The following TENM4 variants were observed in gnomAD, a reference collection of about 807,000 sequenced individuals.
TENM4 encodes teneurin-4.
Under a neutral mutation model 243.3 loss-of-function variants are expected in TENM4, and 82 were observed. That is an observed-to-expected ratio of 0.34 (90% CI 0.28 to 0.40). The LOEUF is 0.40. TENM4 is among the 10% of genes least tolerant of loss of function. TENM4 has a pLI of 1.00. For missense variants in TENM4, 3,138 were observed against 3,673.3 expected (o/e 0.85, Z 3.77); for synonymous variants, 1,412 against 1,456.3 (o/e 0.97, Z 0.69).
At chr11:79,426,007 A>G (rs145594112) in intron 1 of TENM4, among the ~76,000 whole-genome samples, 10 of 152,286 alleles carry the variant, frequency 6.6e-5, no homozygotes, top group African/African-American at 1.2e-4. Flanking sequence ...TCAGAAACCT[A>G]CTTTGAGGCC....
At chr11:78,853,373 G>A (rs2136201598) in intron 12 of TENM4, among the ~76,000 whole-genome samples, 2 of 152,330 alleles carry the variant, frequency 1.3e-5, no homozygotes, top group Middle Eastern at 3.4e-3. Context: ...TCTGTGCAAT[G>A]TATTGGTAAA....
chr11:79,378,396 T>C (rs1018927153), intron 1 of TENM4, among the ~76,000 whole-genome samples: 4 of 152,200 alleles, frequency 2.6e-5, no homozygotes, highest in African/African-American at 9.6e-5. Flanking sequence ...GGAAAGAAGA[T>C]GATGAAAACG....
At chr11:78,759,525 G>A (rs1321514165) in intron 18 of TENM4, among the ~76,000 whole-genome samples, 2 of 152,194 alleles carry the variant, frequency 1.3e-5, no homozygotes, top group African/African-American at 4.8e-5. Flanking sequence ...AGCAGTCCCT[G>A]GAAGCCTGTG....
chr11:79,401,112 A>C (rs2135556065), intron 1 of TENM4, among the ~76,000 whole-genome samples: 1 of 152,312 alleles, frequency 6.6e-6, no homozygotes, highest in African/African-American at 2.4e-5. Flanking sequence ...GGGGACAGGA[A>C]ATAATACAAG....
chr11:78,743,801 AG>A (rs1249219170), intron 19 of TENM4, among the ~76,000 whole-genome samples: 1 of 152,204 alleles, frequency 6.6e-6, no homozygotes, highest in Non-Finnish European at 1.5e-5. Context: ...AGGCAAAGGG[AG>A]AAAAACTGCA....
In TENM4 at chr11:79,347,762, C is replaced by CTTT. The variant is rs528675032; in HGVS notation, c.-320-50222_-320-50220dup. On this transcript the variant is annotated intron_variant, in intron 1 of 33. Coordinates refer to ENST00000278550, the MANE Select transcript of TENM4 (RefSeq NM_001098816.3). ...GATGTTTAATTATATCTATCCTCTCCTTTTTTTTTTTTTTTTTTTTTTTTT... is the reference window on the plus strand; with the variant it reads ...GATGTTTAATTATATCTATCCTCTCCTTTTTTTTTTTTTTTTTTTTTTTTTTTT... Among the ~76,000 whole-genome samples, 48 of 94,726 alleles carry CTTT rather than the reference C, an allele frequency of 5.1e-4. 2 individuals are homozygous for CTTT. The East Asian group carries it at 6.5e-3, about 13-fold the overall frequency. 62.1% of individuals were successfully genotyped at this position (94,726 alleles called of 152,430 possible).
chr11:78,752,136 CAGAT>C (rs1249678953), intron 19 of TENM4, among the ~76,000 whole-genome samples: 4 of 152,196 alleles, frequency 2.6e-5, no homozygotes, highest in African/African-American at 7.2e-5. Flanking sequence ...GGCAGGATGT[CAGAT>C]AGAGCTACTG....
intron 27 of TENM4, among the ~76,000 whole-genome samples, chr11:78,705,206 T>C (rs951343891): frequency 6.6e-6 from 1 of 152,208 alleles, no homozygotes; most frequent in African/African-American, 2.4e-5. Flanking sequence ...GGGGACCTGC[T>C]TGTGGAGACC....
Position 79,393,646 on chromosome 11 carries a change from G to A in TENM4, c.-321+46863C>T, listed in dbSNP as rs569002894. On this transcript the variant is annotated intron_variant, in intron 1 of 33. Coordinates refer to ENST00000278550, the MANE Select transcript of TENM4 (RefSeq NM_001098816.3). ...GCTGAGGAAACAGGGATTTCAGAAA[G>A]CTTGCCCAGAGGAGCAGAGGCGGGC... Among the ~76,000 whole-genome samples the A allele has an allele frequency of 5.3e-5, 8 of 152,358 alleles. No individual in the cohort carries two copies. In the South Asian group the frequency reaches 1.7e-3, roughly 32 times the overall value.
chr11:79,171,007 G>A (rs560883746), intron 3 of TENM4, among the ~76,000 whole-genome samples: 2 of 152,224 alleles, frequency 1.3e-5, no homozygotes, highest in Non-Finnish European at 2.9e-5. Context: ...AGAAAGAGAG[G>A]ACTGTGCTAT....
At chr11:79,041,339 T>C (rs533622903) in intron 6 of TENM4, among the ~76,000 whole-genome samples, 1 of 152,206 alleles carries the variant, frequency 6.6e-6, no homozygotes, top group South Asian at 2.1e-4. Flanking sequence ...GCTGGGATTA[T>C]AGGCATGAGC....
intron 1 of TENM4, among the ~76,000 whole-genome samples, chr11:79,304,293 T>C (rs955308134): frequency 2.0e-4 from 31 of 152,220 alleles, no homozygotes; most frequent in African/African-American, 7.2e-4. Context: ...GAGATGCTTC[T>C]TGAGCTGGAC....
chr11:78,868,334 C>T (rs1381287944), intron 9 of TENM4, among the ~76,000 whole-genome samples: 1 of 152,110 alleles, frequency 6.6e-6, no homozygotes, highest in Non-Finnish European at 1.5e-5. Context: ...CTGGTTTTCC[C>T]GTTAGACTAG....
chr11:78,836,689 TCAGTAAGCCTTCTCTGTATTTTCTAA>T (rs1445162493), intron 12 of TENM4, among the ~76,000 whole-genome samples: 3 of 152,174 alleles, frequency 2.0e-5, no homozygotes, highest in African/African-American at 7.2e-5. Context: ...AAGTGAATCC[TCAGTAAGCCTTCTCTGTATTTTCTAA>T]CACTAGGCCT....
intron 1 of TENM4, among the ~76,000 whole-genome samples, chr11:79,399,217 T>C (rs1221315407): frequency 6.6e-6 from 1 of 152,204 alleles, no homozygotes; most frequent in Non-Finnish European, 1.5e-5. Flanking sequence ...GGCAAGCCAG[T>C]CCACCAGGCA....
chr11:78,718,338 G>T (rs1327283132), intron 25 of TENM4, among the ~76,000 whole-genome samples: 1 of 152,080 alleles, frequency 6.6e-6, no homozygotes, highest in Non-Finnish European at 1.5e-5. Flanking sequence ...TAGTACCGAA[G>T]AAAACAATTA....
chr11:78,976,708 G>A (rs1319880314), intron 6 of TENM4, among the ~76,000 whole-genome samples: 2 of 152,192 alleles, frequency 1.3e-5, no homozygotes, highest in African/African-American at 4.8e-5. Context: ...TAGAGAAATG[G>A]CTTTCCAACC....
At chr11:79,214,214 C>T (rs574822348) in intron 3 of TENM4, among the ~76,000 whole-genome samples, 115 of 152,146 alleles carry the variant, frequency 7.6e-4, no homozygotes, top group African/African-American at 2.7e-3. Flanking sequence ...AGGCTGGTCT[C>T]GAACTCCTGA....
In TENM4 at chr11:79,217,453, A is replaced by T. The variant is rs957608467; in HGVS notation, c.-264-1544T>A. On this transcript the variant is annotated intron_variant, in intron 2 of 33. Transcript: ENST00000278550. Reference sequence around the variant, plus strand: ...ATTATTTGAGAAGTTCCCTGAATTCATTTTTCCCAAATAGATCTAGGATCC... The same window carrying T: ...ATTATTTGAGAAGTTCCCTGAATTCTTTTTTCCCAAATAGATCTAGGATCC... Among the ~76,000 whole-genome samples, 5 of 152,278 alleles carry T rather than the reference A, an allele frequency of 3.3e-5. No homozygotes were observed. The South Asian group carries it at 8.3e-4, about 25-fold the overall frequency.
Sources: allele counts gnomAD v4.1 joint callset (sites outside exome capture counted in the v4.1 genomes callset), GRCh38; gene constraint gnomAD v4.1.1; transcripts MANE v1.5; gene names NCBI Gene and HGNC (gene_info 2026-07-23, HGNC 2026-07-21).